The following RAD51B variants were observed in gnomAD, a reference collection of about 807,000 sequenced individuals.
The protein encoded by RAD51B is DNA repair protein RAD51 homolog 2.
In RAD51B, 38 loss-of-function variants were observed where a neutral mutation model predicts 42.2. The observed-to-expected ratio is 0.90, with a 90% CI of 0.70 to 1.18. The LOEUF (loss-of-function observed/expected upper bound fraction) is 1.18, where lower values mean the gene tolerates loss of function less well. Among genes scored for constraint, RAD51B ranks in the 50% most tolerant of loss-of-function variants. RAD51B has a pLI of 0.00. For missense variants in RAD51B, 373 were observed against 400.7 expected, an observed-to-expected ratio of 0.93 and a Z score of 0.59; for synonymous variants, 154 against 145.2, an observed-to-expected ratio of 1.06 and a Z score of -0.43.
chr14:68,370,916 A>C (rs2083241163), intron 8 of RAD51B, among the ~76,000 whole-genome samples: 1 of 151,654 alleles, frequency 6.6e-6, no homozygotes, highest in Non-Finnish European at 1.5e-5. Flanking sequence ...ACACACCTGT[A>C]GTCCCAGCTG....
Position 67,887,032 on chromosome 14 carries a change from T to G in RAD51B, c.584T>G (p.Leu195Trp), listed in dbSNP as rs905808360. 1.3e-6 allele frequency: 2 copies of G among 1,500,922 alleles called. No homozygotes were observed. Among genetic ancestry groups the G allele is most frequent in the Non-Finnish European group, 1.8e-6 (2 of 1,102,020 alleles). The allele number at this position is 1,500,922 out of a possible 1,614,324, so 93.0% of individuals were successfully genotyped here. Residue 195 changes from leucine to tryptophan, a missense_variant, in exon 7 of 11, where the codon TTG (leucine) becomes TGG (tryptophan). Coordinates refer to ENST00000471583, the MANE Select transcript of RAD51B (RefSeq NM_133510.4). ...TTCTTCTTTTATAGGATTGAATCTT[T>G]GGAAGAAGAAATTATCTCAAAAGGA... Reference protein sequence around the residue: ...CDEVLQRIESLEEEIISKGIK... With the variant: ...CDEVLQRIESWEEEIISKGIK...
chr14:68,076,591 G>A (rs1013786393), intron 7 of RAD51B, among the ~76,000 whole-genome samples: 3 of 152,162 alleles, frequency 2.0e-5, no homozygotes, highest in Admixed American at 1.3e-4. Flanking sequence ...ATTAGAACTG[G>A]CTTCTTCTGT....
intron 7 of RAD51B, among the ~76,000 whole-genome samples, chr14:68,162,953 G>A (rs1487492899): frequency 6.6e-6 from 1 of 152,224 alleles, no homozygotes; most frequent in Non-Finnish European, 1.5e-5. Flanking sequence ...TGCGTTAAAT[G>A]TATTATAGCT....
At chr14:68,503,495 T>G (rs532814955) in intron 10 of RAD51B, among the ~76,000 whole-genome samples, 2 of 136,278 alleles carry the variant, frequency 1.5e-5, no homozygotes, top group East Asian at 3.9e-4. Context: ...CACCACTCAC[T>G]AGATTTCTAT....
chr14:68,442,809 A>C (rs965168038), intron 9 of RAD51B, among the ~76,000 whole-genome samples: 8 of 151,956 alleles, frequency 5.3e-5, no homozygotes, highest in African/African-American at 1.7e-4. Flanking sequence ...TATTATTATT[A>C]TTCACACTTA....
At chr14:68,163,208 A>G (rs1176355630) in intron 7 of RAD51B, among the ~76,000 whole-genome samples, 2 of 152,232 alleles carry the variant, frequency 1.3e-5, no homozygotes, top group Non-Finnish European at 2.9e-5. Flanking sequence ...CCAGCAAGTC[A>G]AATTTATTGT....
chr14:68,283,663 T>G (rs2081362525), intron 7 of RAD51B, among the ~76,000 whole-genome samples: 1 of 152,206 alleles, frequency 6.6e-6, no homozygotes, highest in Middle Eastern at 3.2e-3. Context: ...TGTGGCCTCT[T>G]TACAACTGCC....
chr14:68,530,446 C>CAAAAAAAAAAAAAAAAAAAAAAAAAAAA (rs35454756), intron 10 of RAD51B, among the ~76,000 whole-genome samples: 34 of 67,844 alleles, frequency 5.0e-4, no homozygotes, highest in Non-Finnish European at 8.2e-4. Context: ...GACCCTGTCT[C>CAAAAAAAAAAAAAAAAAAAAAAAAAAAA]AAAAAAAAAA....
At chr14:68,450,465 C>T (rs1437915458) in intron 9 of RAD51B, among the ~76,000 whole-genome samples, 3 of 152,126 alleles carry the variant, frequency 2.0e-5, no homozygotes, top group South Asian at 2.1e-4. Flanking sequence ...GTGATCCACC[C>T]GCCTTGGCCG....
intron 7 of RAD51B, among the ~76,000 whole-genome samples, chr14:68,161,094 A>G (rs1034563541): frequency 6.6e-6 from 1 of 152,138 alleles, no homozygotes; most frequent in Non-Finnish European, 1.5e-5. Flanking sequence ...TTATAGGCCT[A>G]TTATTTTCAT....
chr14:68,130,831 A>C (rs1451066127), intron 7 of RAD51B, among the ~76,000 whole-genome samples: 1 of 152,178 alleles, frequency 6.6e-6, no homozygotes, highest in Admixed American at 6.5e-5. Context: ...GTAAGCCTCC[A>C]TAATCTACTG....
chr14:68,578,584 G>C (rs1890069954), intron 10 of RAD51B, among the ~76,000 whole-genome samples: 1 of 152,122 alleles, frequency 6.6e-6, no homozygotes, highest in Non-Finnish European at 1.5e-5. Context: ...CTGAGCCCCA[G>C]GTCCTGAATG....
chr14:68,512,083 G>C (rs1428527789), intron 10 of RAD51B, among the ~76,000 whole-genome samples: 1 of 152,212 alleles, frequency 6.6e-6, no homozygotes, highest in Non-Finnish European at 1.5e-5. Flanking sequence ...TGAGCCTGGG[G>C]CATCTTTGGG....
At chr14:67,964,789 C>T (rs749987374) in intron 7 of RAD51B, among the ~76,000 whole-genome samples, 34 of 152,122 alleles carry the variant, frequency 2.2e-4, no homozygotes, top group Non-Finnish European at 3.8e-4. Flanking sequence ...GTGAGACATA[C>T]GACGGTCTAC....
At chr14:67,831,837 C>T (rs2041061726) in intron 3 of RAD51B, among the ~76,000 whole-genome samples, 1 of 152,190 alleles carries the variant, frequency 6.6e-6, no homozygotes, top group South Asian at 2.1e-4. Flanking sequence ...AGCCACCACA[C>T]CCAGCTGATT....
intron 7 of RAD51B, among the ~76,000 whole-genome samples, chr14:68,093,005 T>C (rs909458494): frequency 9.3e-5 from 14 of 150,130 alleles, no homozygotes; most frequent in African/African-American, 3.0e-4. Context: ...ATTACGTTTA[T>C]TGATTTTCGT....
At chr14:67,839,236 A>G (rs976850647) in intron 4 of RAD51B, among the ~76,000 whole-genome samples, 1 of 152,050 alleles carries the variant, frequency 6.6e-6, no homozygotes, top group Admixed American at 6.6e-5. Flanking sequence ...ATATTCTGCA[A>G]TAGTTTGCCT....
At position 68,238,725 on chromosome 14, in the gene RAD51B, T is replaced by A. The variant is rs1313455390; in HGVS notation, c.757-53159T>A. Among the ~76,000 whole-genome samples, 3 of 152,368 alleles carry A rather than the reference T, an allele frequency of 2.0e-5. No individual in the cohort carries two copies. The East Asian group carries it at 5.8e-4, about 29-fold the overall frequency. ...AGACCATATAATGTAATACAATGTATCCCTGCGTTGTGGTCTGTGGAACAC... is the reference window on the plus strand; with the variant it reads ...AGACCATATAATGTAATACAATGTAACCCTGCGTTGTGGTCTGTGGAACAC... On this transcript the variant is annotated intron_variant, in intron 7 of 10. Coordinates refer to ENST00000471583, the MANE Select transcript of RAD51B (RefSeq NM_133510.4).
rs529278337 is a variant in RAD51B, at chr14:67,862,078, A to G, written c.316-2925A>G. On this transcript the variant is annotated intron_variant, in intron 4 of 10. Transcript: ENST00000471583. ...TGGTGATTTATTTTACAGCATGGTAACTATAGTTAGTAATAATGTTGTATA... is the reference window on the plus strand; with the variant it reads ...TGGTGATTTATTTTACAGCATGGTAGCTATAGTTAGTAATAATGTTGTATA... 3.9e-5 allele frequency among the ~76,000 whole-genome samples: 6 copies of G among 152,224 alleles called. No homozygotes were observed. The East Asian group carries it at 5.8e-4, about 15-fold the overall frequency.
Sources: allele counts gnomAD v4.1 joint callset (sites outside exome capture counted in the v4.1 genomes callset), GRCh38; gene constraint gnomAD v4.1.1; transcripts MANE v1.5; gene names NCBI Gene and HGNC (gene_info 2026-07-23, HGNC 2026-07-21).